Variants in CECR2 observed in about 807,000 individuals in gnomAD.
CECR2 encodes CECR2 histone acetyl-lysine reader.
A neutral mutation model predicts 154.5 loss-of-function variants in CECR2; 30 were observed. The observed-to-expected ratio is 0.19, with a 90% CI of 0.15 to 0.26. CECR2 has a LOEUF of 0.26. CECR2 is among the 10% of genes least tolerant of loss of function. CECR2 has a pLI of 1.00. For missense variants in CECR2, 1,743 were observed against 1,829.3 expected, an observed-to-expected ratio of 0.95 and a Z score of 0.86; for synonymous variants, 725 against 683.7, an observed-to-expected ratio of 1.06 and a Z score of -0.94.
intron 9 of CECR2, among the ~76,000 whole-genome samples, chr22:17,536,657 G>A (rs1345799792): frequency 6.6e-6 from 1 of 152,224 alleles, no homozygotes; most frequent in Non-Finnish European, 1.5e-5. Context: ...AATCCTGTGT[G>A]TGTATGGACT....
intron 5 of CECR2, among the ~76,000 whole-genome samples, chr22:17,501,873 C>T (rs1363206717): frequency 1.3e-5 from 2 of 152,148 alleles, no homozygotes; most frequent in African/African-American, 2.4e-5. Context: ...TTGTGCTACC[C>T]TCTACTGGTG....
chr22:17,480,419 T>TACACACACACACACACACACACACACAC (rs55977287), intron 2 of CECR2, among the ~76,000 whole-genome samples: 3 of 137,426 alleles, frequency 2.2e-5, no homozygotes, highest in African/African-American at 8.0e-5. Flanking sequence ...TCATGTATAA[T>TACACACACACACACACACACACACACAC]ACACACACAC....
chr22:17,422,431 T>A (rs1193803510), intron 1 of CECR2, among the ~76,000 whole-genome samples: 1 of 152,142 alleles, frequency 6.6e-6, no homozygotes, highest in East Asian at 1.9e-4. Flanking sequence ...ACTCCTGACC[T>A]CACTCAGGTG....
chr22:17,548,440 T>G lies in CECR2; in HGVS notation c.3153T>G (p.Ala1051=), dbSNP rs1413634638. The change falls in exon 17 of 19, where the codon GCT becomes GCG. Residue 1051 remains alanine (A), a synonymous_variant. Coordinates refer to ENST00000262608, the MANE Select transcript of CECR2 (RefSeq NM_001290047.2). ...TCTCCACGGTGGCAGACAGGGGCGC[T>G]CTATCCGAGAACGGAGTCATTGGGG... The part of the protein sequence containing the change: ...RDLSTVADRG[A]LSENGVIGEA... 1.4e-5 allele frequency: 22 copies of G among 1,613,868 alleles called. No homozygotes were observed. Among genetic ancestry groups the G allele is most frequent in the Non-Finnish European group, 1.7e-5 (20 of 1,179,850 alleles).
chr22:17,447,764 A>C (rs2895938), intron 1 of CECR2, among the ~76,000 whole-genome samples: 45,491 of 151,908 alleles, frequency 0.3, 9,764 homozygotes, highest in African/African-American at 0.58. Context: ...GATTGAGAAC[A>C]ATTGTTCAGA....
intron 9 of CECR2, among the ~76,000 whole-genome samples, chr22:17,533,631 T>C (rs2056393410): frequency 6.7e-6 from 1 of 150,306 alleles, no homozygotes; most frequent in Admixed American, 6.6e-5. Flanking sequence ...CTCTGTCTCC[T>C]AAAAAAAAAG....
chr22:17,494,633 G>A lies in CECR2; in HGVS notation c.222-2770G>A, dbSNP rs546859237. Among the ~76,000 whole-genome samples, 33 of 152,326 alleles carry A rather than the reference G, an allele frequency of 2.2e-4. 1 individual carries two copies. In the South Asian group the frequency reaches 6.0e-3, roughly 28 times the overall value. ...AGCTGCCATACTCATGTTTTCCCCAGTGAGATAGTAAGAGTAGGGGAAAGA... is the reference window on the plus strand; with the variant it reads ...AGCTGCCATACTCATGTTTTCCCCAATGAGATAGTAAGAGTAGGGGAAAGA... On this transcript the variant is annotated intron_variant, in intron 2 of 18. Transcript: ENST00000262608.
At chr22:17,417,407 C>A (rs2054172286) in intron 1 of CECR2, among the ~76,000 whole-genome samples, 1 of 152,178 alleles carries the variant, frequency 6.6e-6, no homozygotes, top group Admixed American at 6.5e-5. Flanking sequence ...CTGGAATTTA[C>A]TTGGAAGCAG....
chr22:17,460,172 A>C (rs531586883), intron 1 of CECR2, among the ~76,000 whole-genome samples: 15 of 152,230 alleles, frequency 9.9e-5, no homozygotes, highest in Non-Finnish European at 1.5e-4. Flanking sequence ...TACACTTGCA[A>C]CTTTGAAGTC....
At chr22:17,427,195 C>CT (rs2054344902) in intron 1 of CECR2, among the ~76,000 whole-genome samples, 1 of 151,956 alleles carries the variant, frequency 6.6e-6, no homozygotes. Context: ...TGAACTCACC[C>CT]TTTTTTTAAT....
At chr22:17,437,749 G>A (rs1177790973) in intron 1 of CECR2, among the ~76,000 whole-genome samples, 3 of 152,068 alleles carry the variant, frequency 2.0e-5, no homozygotes, top group Non-Finnish European at 4.4e-5. Flanking sequence ...TTTAAAGTTT[G>A]TCAGACTTTA....
intron 1 of CECR2, among the ~76,000 whole-genome samples, chr22:17,378,748 G>A (rs1310755820): frequency 1.3e-5 from 2 of 152,218 alleles, no homozygotes; most frequent in Non-Finnish European, 2.9e-5. Context: ...GTGAGGTAGA[G>A]ATGACTTTTC....
chr22:17,536,543 G>A (rs1601532178), intron 9 of CECR2, among the ~76,000 whole-genome samples: 1 of 152,308 alleles, frequency 6.6e-6, no homozygotes, highest in Admixed American at 6.5e-5. Context: ...TCCCACTGGC[G>A]GCAGGGCCTG....
intron 2 of CECR2, among the ~76,000 whole-genome samples, chr22:17,495,384 C>T (rs1201205425): frequency 6.6e-6 from 1 of 151,876 alleles, no homozygotes; most frequent in Non-Finnish European, 1.5e-5. Context: ...GCCTGGCCAA[C>T]GTGGTGAAAC....
intron 7 of CECR2, among the ~76,000 whole-genome samples, chr22:17,511,589 C>T (rs1019482080): frequency 1.3e-5 from 2 of 151,412 alleles, no homozygotes; most frequent in Non-Finnish European, 2.9e-5. Flanking sequence ...ATAAAAGACA[C>T]TTGTTTGTCT....
intron 1 of CECR2, among the ~76,000 whole-genome samples, chr22:17,389,872 C>T (rs1299931766): frequency 3.3e-5 from 5 of 152,142 alleles, no homozygotes; most frequent in Non-Finnish European, 5.9e-5. Flanking sequence ...AGATGATCCG[C>T]CCACCTCGGC....
intron 1 of CECR2, among the ~76,000 whole-genome samples, chr22:17,414,379 G>A (rs1160523338): frequency 6.6e-6 from 1 of 151,352 alleles, no homozygotes; most frequent in Non-Finnish European, 1.5e-5. Context: ...AATTCCCTAA[G>A]TTGGCAAATT....
chr22:17,429,981 A>C (rs2054396328), intron 1 of CECR2, among the ~76,000 whole-genome samples: 1 of 152,230 alleles, frequency 6.6e-6, no homozygotes, highest in Non-Finnish European at 1.5e-5. Context: ...ATTGCTATGC[A>C]TAGAGGTTAA....
chr22:17,455,480 C>T (rs1479158700), intron 1 of CECR2, among the ~76,000 whole-genome samples: 1 of 152,200 alleles, frequency 6.6e-6, no homozygotes, highest in Non-Finnish European at 1.5e-5. Context: ...CATCTTTTCT[C>T]CTCCCTACTC....
Sources: gnomAD v4.1 joint callset for allele counts (sites outside exome capture counted in the v4.1 genomes callset) on GRCh38, gnomAD v4.1.1 for gene constraint, MANE v1.5 for transcripts, NCBI Gene and HGNC (gene_info 2026-07-23, HGNC 2026-07-21) for gene names.